The following ORC5 variants were observed in gnomAD, a reference collection of about 807,000 sequenced individuals.
ORC5 encodes origin recognition complex subunit 5.
ORC5 carries 39 observed loss-of-function variants against 58.8 expected under a neutral mutation model. That is an observed-to-expected ratio of 0.66 (90% CI 0.51 to 0.87). ORC5 has a LOEUF of 0.87. Among genes scored for constraint, ORC5 ranks in the 40% least tolerant of loss-of-function variants. The pLI is 0.00. For synonymous variants in ORC5, 218 were observed against 177.6 expected (o/e 1.23, Z -1.81); for missense variants, 493 against 506.3 (o/e 0.97, Z 0.25).
Position 104,126,901 on chromosome 7 carries a change from CA to C in ORC5, c.1263-9del. 1 of 1,589,254 alleles carries C rather than the reference CA, an allele frequency of 6.3e-7. No homozygotes were observed. The highest frequency in any genetic ancestry group is 8.6e-7 in the Non-Finnish European group (1 of 1,158,782). ...ATGTCAAAGTTCACCGTCCTAAAAA[CA>C]AAAACAGATAATATGTTAGCATTCT... On this transcript the variant is annotated splice_polypyrimidine_tract_variant and intron_variant, in intron 13 of 13. Transcript: ENST00000297431.
At chr7:104,187,046 G>C (rs1799559900) in intron 6 of ORC5, among the ~76,000 whole-genome samples, 1 of 151,886 alleles carries the variant, frequency 6.6e-6, no homozygotes, top group South Asian at 2.1e-4. Flanking sequence ...CTTTGAAATG[G>C]CTGTCAGCAC....
chr7:104,144,669 A>G (rs1303882808), intron 12 of ORC5, among the ~76,000 whole-genome samples: 1 of 152,204 alleles, frequency 6.6e-6, no homozygotes, highest in East Asian at 1.9e-4. Context: ...AGGCAGGAGA[A>G]TCGCTTTAAC....
At chr7:104,173,883 C>G (rs899248517) in intron 8 of ORC5, among the ~76,000 whole-genome samples, 1 of 126,778 alleles carries the variant, frequency 7.9e-6, no homozygotes, top group African/African-American at 2.9e-5. Context: ...CTCGCTCTGT[C>G]GCCCAGGCTG....
chr7:104,178,679 T>G (rs1376718332), intron 8 of ORC5, among the ~76,000 whole-genome samples: 4 of 152,244 alleles, frequency 2.6e-5, no homozygotes, highest in Non-Finnish European at 5.9e-5. Context: ...TCTTCTAGGG[T>G]TTTTATGGTT....
intron 6 of ORC5, among the ~76,000 whole-genome samples, chr7:104,186,478 A>C (rs1445879881): frequency 6.6e-6 from 1 of 152,186 alleles, no homozygotes; most frequent in Non-Finnish European, 1.5e-5. Context: ...ACAGTTAAAA[A>C]GGCAGTATCA....
rs1222113208 is a variant in ORC5, at chr7:104,188,199, C to A, written c.684+52G>T. The A allele has an allele frequency of 2.1e-5, 24 of 1,162,120 alleles. No individual in the cohort carries two copies. The Middle Eastern group carries it at 6.0e-4, about 29-fold the overall frequency. 72.0% of individuals were successfully genotyped at this position (1,162,120 alleles called of 1,614,324 possible). A position where few individuals can be genotyped will look rare whatever the true frequency, so the allele number is the denominator to read the frequency against. The stretch of plus-strand genomic sequence containing the variant: ...ACATATATACACATATATGTATACA[C>A]ACACACACACACACACACATATATA... On this transcript the variant is annotated intron_variant, in intron 6 of 13. Coordinates refer to ENST00000297431, the MANE Select transcript of ORC5 (RefSeq NM_002553.4).
intron 12 of ORC5, among the ~76,000 whole-genome samples, chr7:104,142,850 G>C (rs1465378684): frequency 6.6e-6 from 1 of 152,128 alleles, no homozygotes; most frequent in Non-Finnish European, 1.5e-5. Flanking sequence ...ACACAGAAAG[G>C]ATGGACAGCC....
chr7:104,166,790 G>A lies in ORC5; in HGVS notation c.972C>T (p.Asp324=), dbSNP rs1799114192. The A allele has an allele frequency of 6.3e-7, 1 of 1,591,768 alleles. No individual in the cohort carries two copies. Among genetic ancestry groups the A allele is most frequent in the Non-Finnish European group, 8.6e-7 (1 of 1,162,758 alleles). Residue 324 remains aspartate, a synonymous_variant, in exon 10 of 14, where the codon GAC becomes GAT. Transcript: ENST00000297431. Reference sequence around the variant, plus strand: ...TTATTACCTTAAGAAAAAACCTCTTGTCAGTTCTTGCTGGATTGTATGAAG... The same window carrying A: ...TTATTACCTTAAGAAAAAACCTCTTATCAGTTCTTGCTGGATTGTATGAAG... The part of the protein sequence containing the change: ...YLASYNPART[D]KRFFLKHHGK...
chr7:104,177,330 G>GA (rs1799342373), intron 8 of ORC5, among the ~76,000 whole-genome samples: 1 of 152,052 alleles, frequency 6.6e-6, no homozygotes, highest in African/African-American at 2.4e-5. Context: ...TAAAGTCTAA[G>GA]AAAAGACTAT....
chr7:104,147,876 AG>A (rs2115797100), intron 12 of ORC5, among the ~76,000 whole-genome samples: 1 of 152,298 alleles, frequency 6.6e-6, no homozygotes, highest in East Asian at 1.9e-4. Flanking sequence ...AAAGAACACC[AG>A]TATGAGCCTA....
chr7:104,187,808 A>C (rs1428131755), intron 6 of ORC5: 15 of 985,786 alleles, frequency 1.5e-5, no homozygotes, highest in Non-Finnish European at 1.7e-5. Flanking sequence ...AAAGCTTCTG[A>C]CCATACTCAA....
chr7:104,130,050 G>C (rs2115724865), intron 13 of ORC5, among the ~76,000 whole-genome samples: 1 of 151,010 alleles, frequency 6.6e-6, no homozygotes, highest in Non-Finnish European at 1.5e-5. Context: ...GTTTGAGTTT[G>C]AGATTTTTTT....
At chr7:104,206,986 C>A (rs1165227264) in intron 1 of ORC5, among the ~76,000 whole-genome samples, 1 of 152,126 alleles carries the variant, frequency 6.6e-6, no homozygotes, top group Non-Finnish European at 1.5e-5. Flanking sequence ...AATTGCCTAA[C>A]GATGCATTTC....
chr7:104,180,886 T>C (rs1390365821), intron 8 of ORC5, among the ~76,000 whole-genome samples: 2 of 152,188 alleles, frequency 1.3e-5, no homozygotes, highest in African/African-American at 4.8e-5. Flanking sequence ...TATGGTAAAC[T>C]TTCATCAAAT....
intron 8 of ORC5, among the ~76,000 whole-genome samples, chr7:104,172,536 T>C (rs1160030499): frequency 1.3e-5 from 2 of 152,180 alleles, no homozygotes; most frequent in Non-Finnish European, 2.9e-5. Context: ...AATAAGGCAT[T>C]CATGAGAGAA....
intron 10 of ORC5, 195 bp from the exon 11 acceptor site, chr7:104,165,477 G>A: frequency 2.0e-5 from 8 of 392,690 alleles, no homozygotes; most frequent in Non-Finnish European, 3.2e-5. Context: ...GACTTGGATT[G>A]GATATAAAAT....
intron 12 of ORC5, among the ~76,000 whole-genome samples, chr7:104,152,131 T>C (rs1158960239): frequency 1.3e-5 from 2 of 152,102 alleles, no homozygotes; most frequent in Non-Finnish European, 2.9e-5. Context: ...CACCAACATG[T>C]CTTTTAATCA....
At position 104,129,855 on chromosome 7, in the gene ORC5, T is replaced by A. The variant is rs1249763121; in HGVS notation, c.1263-2962A>T. Among the ~76,000 whole-genome samples the A allele has an allele frequency of 2.0e-5, 3 of 152,218 alleles. No individual in the cohort carries two copies. The highest frequency in any genetic ancestry group is 4.4e-5 in the Non-Finnish European group (3 of 68,042). On this transcript the variant is annotated intron_variant, in intron 13 of 13. Transcript: ENST00000297431. The surrounding 1 kb of genome is among the most constrained non-coding windows in gnomAD (Gnocchi z 4.9). ...AGAAATACAGTAAACACGAATAGTGTGGTGGCAATTTTCCTAGGAGTAATT... is the reference window on the plus strand; with the variant it reads ...AGAAATACAGTAAACACGAATAGTGAGGTGGCAATTTTCCTAGGAGTAATT...
In ORC5 at chr7:104,173,290, C is replaced by T. The variant is rs577985796; in HGVS notation, c.825-4765G>A. 8.4e-4 allele frequency among the ~76,000 whole-genome samples: 128 copies of T among 152,352 alleles called. 2 individuals carry two copies. Among genetic ancestry groups the T allele is most frequent in the African/African-American group, 3.0e-3 (125 of 41,592 alleles). ...CTCAAAACAATTATGTAATTCTCCT[C>T]ATTCTTCCTTTAAAAACCTTTGCCT... On this transcript the variant is annotated intron_variant, in intron 8 of 13. Transcript: ENST00000297431.
Sources: allele counts gnomAD v4.1 joint callset (sites outside exome capture counted in the v4.1 genomes callset), GRCh38; gene constraint gnomAD v4.1.1; non-coding constraint Gnocchi (gnomAD v3.1); transcripts MANE v1.5; gene names NCBI Gene and HGNC (gene_info 2026-07-23, HGNC 2026-07-21).